Variants in ZBTB20 observed in about 807,000 individuals in gnomAD.
The protein encoded by ZBTB20 is zinc finger and BTB domain containing 20.
Under a neutral mutation model 56.9 loss-of-function variants are expected in ZBTB20, and 9 were observed. That is an observed-to-expected ratio of 0.16 (90% CI 0.10 to 0.28). ZBTB20 has a LOEUF of 0.28. ZBTB20 is among the 10% of genes least tolerant of loss of function. ZBTB20 has a pLI of 1.00. For synonymous variants in ZBTB20, 417 were observed against 420.7 expected (o/e 0.99, Z 0.11); for missense variants, 655 against 1,003.0 (o/e 0.65, Z 4.69).
chr3:115,056,951 A>G (rs553909328), intron 2 of ZBTB20, among the ~76,000 whole-genome samples: 14 of 152,228 alleles, frequency 9.2e-5, no homozygotes, highest in Non-Finnish European at 1.5e-4. Context: ...AGCCTCAAGG[A>G]GTTGGAGTCA....
At chr3:114,929,443 AGAAG>A (rs1485873834) in intron 3 of ZBTB20, among the ~76,000 whole-genome samples, 1 of 152,226 alleles carries the variant, frequency 6.6e-6, no homozygotes, top group African/African-American at 2.4e-5. Flanking sequence ...TGCTGTGGGA[AGAAG>A]GGAATTCCAA....
At chr3:114,579,746 C>CA in intron 6 of ZBTB20, among the ~76,000 whole-genome samples, 1 of 150,768 alleles carries the variant, frequency 6.6e-6, no homozygotes, top group East Asian at 1.9e-4. Context: ...AACATAAGGA[C>CA]AAAAAATTAA....
intron 5 of ZBTB20, among the ~76,000 whole-genome samples, chr3:114,787,388 CACACAT>C (rs1410271977): frequency 2.1e-5 from 3 of 145,702 alleles, no homozygotes; most frequent in African/African-American, 5.1e-5. Flanking sequence ...CACACACACA[CACACAT>C]ATATATACAT....
intron 4 of ZBTB20, 135 bp from the exon 5 acceptor site, chr3:114,801,309 T>C (rs1172203905): frequency 2.0e-5 from 3 of 148,282 alleles, no homozygotes; most frequent in African/African-American, 4.9e-5. Context: ...TTTTTTCTTT[T>C]TTTTTTTTTT....
intron 5 of ZBTB20, among the ~76,000 whole-genome samples, chr3:114,739,196 G>A (rs1400606941): frequency 1.3e-5 from 2 of 152,176 alleles, no homozygotes; most frequent in Non-Finnish European, 2.9e-5. Context: ...CGTGGAATCA[G>A]AACCTCTAGG....
chr3:114,643,199 A>G (rs970021175), intron 6 of ZBTB20, among the ~76,000 whole-genome samples: 1 of 152,260 alleles, frequency 6.6e-6, no homozygotes, highest in Admixed American at 6.5e-5. Flanking sequence ...TTTGTAAACT[A>G]TTACATGAAA....
At chr3:115,101,932 T>A (rs913478991) in intron 1 of ZBTB20, among the ~76,000 whole-genome samples, 4 of 152,214 alleles carry the variant, frequency 2.6e-5, no homozygotes, top group African/African-American at 9.7e-5. Context: ...ACTTTCAATA[T>A]ATAACTTATA....
intron 6 of ZBTB20, among the ~76,000 whole-genome samples, chr3:114,549,358 T>G (rs1559945388): frequency 6.6e-6 from 1 of 152,202 alleles, no homozygotes; most frequent in East Asian, 1.9e-4. Flanking sequence ...TAACACTTCT[T>G]CTATCAGCCC....
intron 6 of ZBTB20, among the ~76,000 whole-genome samples, chr3:114,678,345 C>T (rs1214510707): frequency 6.6e-6 from 1 of 152,122 alleles, no homozygotes; most frequent in African/African-American, 2.4e-5. Context: ...AAAATGCACA[C>T]ATAAAATGCA....
In ZBTB20 at chr3:114,753,361, A is replaced by ACAC. The variant is rs372723817; in HGVS notation, c.-343+47739_-343+47740insGTG. 4.5e-4 allele frequency among the ~76,000 whole-genome samples: 65 copies of ACAC among 144,882 alleles called. 4 individuals are homozygous for ACAC. Among genetic ancestry groups the ACAC allele is most frequent in the East Asian group, 9.9e-4 (5 of 5,040 alleles). ...ATGTATATATGTATACATTATATAT[A>ACAC]ATGTATATATAATGTATATACACAT... On this transcript the variant is annotated intron_variant, in intron 5 of 11. Transcript: ENST00000675478.
chr3:114,960,701 A>G (rs1388382945), intron 3 of ZBTB20, among the ~76,000 whole-genome samples: 1 of 152,212 alleles, frequency 6.6e-6, no homozygotes, highest in African/African-American at 2.4e-5. Context: ...AAACATTTCA[A>G]TGTGTTCTGG....
intron 1 of ZBTB20, among the ~76,000 whole-genome samples, chr3:115,115,436 C>T (rs928241039): frequency 5.9e-5 from 9 of 152,154 alleles, no homozygotes; most frequent in South Asian, 2.1e-4. Context: ...CATAGTTCTT[C>T]GAATTATTTC....
chr3:114,741,881 A>T (rs1475287643), intron 5 of ZBTB20, among the ~76,000 whole-genome samples: 1 of 151,896 alleles, frequency 6.6e-6, no homozygotes, highest in African/African-American at 2.4e-5. Flanking sequence ...ACTGTAAAAA[A>T]AAAAAAAAAG....
chr3:115,093,185 A>G (rs1471367951), intron 1 of ZBTB20, among the ~76,000 whole-genome samples: 1 of 152,118 alleles, frequency 6.6e-6, no homozygotes, highest in African/African-American at 2.4e-5. Context: ...CTGATTCCCC[A>G]GGAAATGCTT....
intron 3 of ZBTB20, among the ~76,000 whole-genome samples, chr3:114,915,604 T>C (rs758579917): frequency 1.3e-5 from 2 of 152,034 alleles, no homozygotes; most frequent in Non-Finnish European, 2.9e-5. Context: ...TGATCTTTAT[T>C]ATTTATTTAA....
In ZBTB20 at chr3:114,882,464, G is replaced by A. The variant is rs78356146; in HGVS notation, c.-417+17840C>T. Among the ~76,000 whole-genome samples, 733 of 151,916 alleles carry A rather than the reference G, an allele frequency of 4.8e-3. 20 individuals carry two copies. The highest frequency in any genetic ancestry group is 0.04 in the Admixed American group (614 of 15,274). On this transcript the variant is annotated intron_variant, in intron 4 of 11. Transcript: ENST00000675478. ...TATGTGGATATTAAAATAAAAACAA[G>A]GATATATTTAGAAAGCTGTTTTGTA...
In ZBTB20 at chr3:114,787,368, T is replaced by TATATATACACATAC. The variant is rs1433434685; in HGVS notation, c.-343+13732_-343+13733insGTATGTGTATATAT. Among the ~76,000 whole-genome samples the TATATATACACATAC allele has an allele frequency of 4.4e-3, 467 of 106,232 alleles. 10 individuals carry two copies. Among genetic ancestry groups the TATATATACACATAC allele is most frequent in the South Asian group, 0.016 (59 of 3,744 alleles). 69.7% of individuals were successfully genotyped at this position (106,232 alleles called of 152,430 possible). A position where few individuals can be genotyped will look rare whatever the true frequency, so the allele number is the denominator to read the frequency against. ...ATATATATATATATATATATATATA[T>TATATATACACATAC]ACACACACACACACACACACACACA... On this transcript the variant is annotated intron_variant, in intron 5 of 11. Transcript: ENST00000675478.
At chr3:115,040,604 T>C (rs951385871) in intron 2 of ZBTB20, among the ~76,000 whole-genome samples, 5 of 152,110 alleles carry the variant, frequency 3.3e-5, no homozygotes, top group Admixed American at 6.6e-5. Context: ...GTATAAAGTA[T>C]GGAAAGAGTG....
At chr3:114,389,887 C>CAA (rs34247337) in intron 7 of ZBTB20, among the ~76,000 whole-genome samples, 2,364 of 76,718 alleles carry the variant, frequency 0.031, 161 homozygotes, top group African/African-American at 0.094. Flanking sequence ...GAGTCCATCT[C>CAA]AAAAAAAAAA....
Sources: gnomAD v4.1 joint callset for allele counts (sites outside exome capture counted in the v4.1 genomes callset) on GRCh38, gnomAD v4.1.1 for gene constraint, MANE v1.5 for transcripts, NCBI Gene and HGNC (gene_info 2026-07-23, HGNC 2026-07-21) for gene names.